CNTN4: variants seen among roughly 807,000 people sequenced by gnomAD.
CNTN4 encodes contactin 4.
A neutral mutation model predicts 122.5 loss-of-function variants in CNTN4; 77 were observed. The ratio of observed to expected loss-of-function variants is 0.63; its 90% CI spans 0.52 to 0.76. The LOEUF (loss-of-function observed/expected upper bound fraction) is 0.76, where lower values mean the gene tolerates loss of function less well. Among genes scored for constraint, CNTN4 ranks in the 30% least tolerant of loss-of-function variants. CNTN4 has a pLI of 0.00. For missense variants in CNTN4, 1,256 were observed against 1,259.1 expected (o/e 1.00, Z 0.04); for synonymous variants, 512 against 447.0 (o/e 1.15, Z -1.83).
At chr3:2,681,588 T>C (rs953243406) in intron 4 of CNTN4, among the ~76,000 whole-genome samples, 1 of 152,076 alleles carries the variant, frequency 6.6e-6, no homozygotes, top group Non-Finnish European at 1.5e-5. Flanking sequence ...ATGTAGGTTG[T>C]ACCTTTTCTG....
chr3:2,961,349 G>C (rs907299206), intron 13 of CNTN4, among the ~76,000 whole-genome samples: 1 of 151,354 alleles, frequency 6.6e-6, no homozygotes, highest in Non-Finnish European at 1.5e-5. Context: ...GCAATGAAAA[G>C]TCTTGTTATT....
chr3:2,708,904 G>A (rs1356412541), intron 4 of CNTN4, among the ~76,000 whole-genome samples: 5 of 152,162 alleles, frequency 3.3e-5, no homozygotes, highest in Admixed American at 6.5e-5. Flanking sequence ...GTAAAATATT[G>A]TAATAAGAGA....
chr3:2,818,891 A>G (rs546480021), intron 6 of CNTN4, among the ~76,000 whole-genome samples: 94 of 152,362 alleles, frequency 6.2e-4, no homozygotes, highest in African/African-American at 2.1e-3. Context: ...TACATTTTAT[A>G]TAGAGTTGTG....
intron 14 of CNTN4, among the ~76,000 whole-genome samples, chr3:3,003,829 A>C (rs2125425032): frequency 6.6e-6 from 1 of 152,084 alleles, no homozygotes; most frequent in South Asian, 2.1e-4. Flanking sequence ...AGCTCACTGC[A>C]GCCTTGACCT....
chr3:2,991,175 G>A (rs995055252), intron 14 of CNTN4, among the ~76,000 whole-genome samples: 3 of 152,234 alleles, frequency 2.0e-5, no homozygotes, highest in East Asian at 3.9e-4. Context: ...CACATGATTC[G>A]CTGAAACATG....
chr3:2,149,358 A>G (rs2035394188), intron 2 of CNTN4, among the ~76,000 whole-genome samples: 1 of 152,150 alleles, frequency 6.6e-6, no homozygotes, highest in Admixed American at 6.5e-5. Flanking sequence ...GGTAAGTTCA[A>G]TGGCAACTTT....
At chr3:2,642,155 G>T (rs181505067) in intron 4 of CNTN4, among the ~76,000 whole-genome samples, 23 of 152,322 alleles carry the variant, frequency 1.5e-4, no homozygotes, top group Admixed American at 6.5e-4. Flanking sequence ...TAGGGAAGCC[G>T]ACAGTGCAGC....
chr3:2,790,691 T>C (rs2091980993), intron 6 of CNTN4, among the ~76,000 whole-genome samples: 2 of 152,214 alleles, frequency 1.3e-5, no homozygotes, highest in African/African-American at 4.8e-5. Context: ...CAGGGCAAGT[T>C]TGATGTCTGT....
At chr3:2,545,412 T>A (rs1333106293) in intron 3 of CNTN4, among the ~76,000 whole-genome samples, 1 of 151,996 alleles carries the variant, frequency 6.6e-6, no homozygotes, top group Non-Finnish European at 1.5e-5. Context: ...CCTGAATATT[T>A]TTGTTAATTT....
At chr3:3,048,738 C>A (rs375811437) in intron 23 of CNTN4, among the ~76,000 whole-genome samples, 4 of 152,140 alleles carry the variant, frequency 2.6e-5, no homozygotes, top group African/African-American at 9.7e-5. Flanking sequence ...CTCAGACTGA[C>A]CCTTTCCAAA....
In CNTN4 at chr3:2,673,842, G is replaced by A. The variant is rs143508547; in HGVS notation, c.56-62373G>A. On this transcript the variant is annotated intron_variant, in intron 4 of 24. Transcript: ENST00000418658. ...CAGGTGCGAGTCGCTGCGCCCGGCC[G>A]GAGGGTCAGTTTTAAGAGGCCTTGC... Among the ~76,000 whole-genome samples, 314 of 152,154 alleles carry A rather than the reference G, an allele frequency of 2.1e-3. 2 individuals are homozygous for A. The highest frequency in any genetic ancestry group is 0.017 in the Middle Eastern group (5 of 294).
In CNTN4 at chr3:2,459,932, T is replaced by C. The variant is rs556579621; in HGVS notation, c.-88-111484T>C. On this transcript the variant is annotated intron_variant, in intron 3 of 24. Transcript: ENST00000418658. ...TATGGAAGTTATCATTAATTTTATA[T>C]TGTAGTCTTTTCTGCTAAACCCAGG... Among the ~76,000 whole-genome samples, 119 of 152,288 alleles carry C rather than the reference T, an allele frequency of 7.8e-4. 1 individual carries two copies. Among genetic ancestry groups the C allele is most frequent in the African/African-American group, 2.7e-3 (113 of 41,564 alleles).
At chr3:2,322,335 C>A (rs894513653) in intron 2 of CNTN4, among the ~76,000 whole-genome samples, 1 of 152,090 alleles carries the variant, frequency 6.6e-6, no homozygotes, top group Non-Finnish European at 1.5e-5. Flanking sequence ...ATGGTGTAAA[C>A]ATAGGACGGA....
rs115946630 is a variant in CNTN4, at chr3:3,015,060, T to C, written c.1487-11042T>C. Among the ~76,000 whole-genome samples the C allele has an allele frequency of 2.7e-3, 405 of 152,240 alleles. 2 individuals carry two copies. The highest frequency in any genetic ancestry group is 8.8e-3 in the African/African-American group (365 of 41,554). ...TCTTTCTCTCCAAAATGAAAAACAG[T>C]AACAAAGTCTTAATTCAGGGCTCTT... On this transcript the variant is annotated intron_variant, in intron 14 of 24. Transcript: ENST00000418658.
chr3:2,876,545 T>A (rs2093846928), intron 8 of CNTN4, among the ~76,000 whole-genome samples: 1 of 152,186 alleles, frequency 6.6e-6, no homozygotes, highest in South Asian at 2.1e-4. Flanking sequence ...TAAGCACAGA[T>A]GCCAGCTAAG....
chr3:2,700,966 G>T (rs2086325264), intron 4 of CNTN4, among the ~76,000 whole-genome samples: 1 of 152,094 alleles, frequency 6.6e-6, no homozygotes, highest in Non-Finnish European at 1.5e-5. Flanking sequence ...TGTGTAGCTT[G>T]TCCAAAGTGG....
intron 3 of CNTN4, among the ~76,000 whole-genome samples, chr3:2,383,339 G>T (rs1298883100): frequency 6.6e-6 from 1 of 152,142 alleles, no homozygotes; most frequent in Admixed American, 6.5e-5. Flanking sequence ...TTATAGTGAT[G>T]ATGATGATGA....
intron 3 of CNTN4, among the ~76,000 whole-genome samples, chr3:2,389,679 C>G (rs1325165179): frequency 6.6e-6 from 1 of 152,192 alleles, no homozygotes; most frequent in Non-Finnish European, 1.5e-5. Flanking sequence ...ATTGATGTAT[C>G]CCCATTGCCT....
At chr3:2,924,528 C>A (rs1260701672) in intron 12 of CNTN4, among the ~76,000 whole-genome samples, 2 of 152,116 alleles carry the variant, frequency 1.3e-5, no homozygotes, top group Non-Finnish European at 2.9e-5. Flanking sequence ...TCAATTAACT[C>A]AGAAGAAAAT....
Sources: gnomAD v4.1 joint callset for allele counts (sites outside exome capture counted in the v4.1 genomes callset) on GRCh38, gnomAD v4.1.1 for gene constraint, MANE v1.5 for transcripts, NCBI Gene and HGNC (gene_info 2026-07-23, HGNC 2026-07-21) for gene names.